The following FRMPD3 variants were observed in gnomAD, a reference collection of about 807,000 sequenced individuals.
FRMPD3 encodes the protein FERM and PDZ domain-containing protein 3.
In FRMPD3, 42 loss-of-function variants were observed where a neutral mutation model predicts 97.9. The observed-to-expected ratio is 0.43, with a 90% CI of 0.34 to 0.55. The LOEUF (loss-of-function observed/expected upper bound fraction) is 0.55. Among genes scored for constraint, FRMPD3 ranks in the 20% least tolerant of loss-of-function variants. The probability of loss-of-function intolerance (pLI) is 0.03; values close to 1 mark genes in which losing one functional copy is unlikely to be tolerated. For missense variants in FRMPD3, 1,303 were observed against 1,457.7 expected (o/e 0.89, Z 1.73); for synonymous variants, 577 against 581.1 (o/e 0.99, Z 0.10).
chrX:107,552,958 A>G, intron 7 of FRMPD3, 32 bp downstream of exon 7: 1 of 1,188,858 alleles, frequency 8.4e-7, no homozygotes, highest in Non-Finnish European at 1.1e-6. Context: ...ATAGCTTTGC[A>G]TGTGGCCTCT....
intron 1 of FRMPD3, among the ~76,000 whole-genome samples, chrX:107,511,842 G>A (rs1922173835): frequency 8.9e-6 from 1 of 111,809 alleles, no homozygotes; most frequent in Non-Finnish European, 1.9e-5. Flanking sequence ...CTGGGTGGCC[G>A]GGGACCCTCT....
chrX:107,452,529 T>C (rs934799810), intron 1 of FRMPD3, among the ~76,000 whole-genome samples: 3 of 112,010 alleles, frequency 2.7e-5, no homozygotes, highest in Non-Finnish European at 5.6e-5. Context: ...CTTCTGGCCC[T>C]GAGGGTTTCC....
intron 1 of FRMPD3, among the ~76,000 whole-genome samples, chrX:107,504,057 G>A (rs1479049245): frequency 8.9e-6 from 1 of 112,489 alleles, no homozygotes; most frequent in African/African-American, 3.2e-5. Context: ...GGCCGCAGTG[G>A]CACTTTATTA....
chrX:107,459,892 C>T (rs866326158), intron 1 of FRMPD3, among the ~76,000 whole-genome samples: 1 of 89,357 alleles, frequency 1.1e-5, no homozygotes, highest in African/African-American at 5.8e-5. Context: ...CATACACACA[C>T]ACACACACAC....
At chrX:107,452,517 G>C (rs1460723755) in intron 1 of FRMPD3, among the ~76,000 whole-genome samples, 1 of 112,184 alleles carries the variant, frequency 8.9e-6, no homozygotes, top group Non-Finnish European at 1.9e-5. Context: ...AGCTGCCCCA[G>C]GCTTCTGGCC....
chrX:107,545,521 A>T (rs189296160), intron 4 of FRMPD3: 15 of 363,312 alleles, frequency 4.1e-5, no homozygotes, highest in African/African-American at 3.9e-4. Flanking sequence ...AATCTACCCA[A>T]ATTCAATTCA....
At chrX:107,551,943 G>A (rs1921883520) in intron 6 of FRMPD3, among the ~76,000 whole-genome samples, 1 of 112,275 alleles carries the variant, frequency 8.9e-6, no homozygotes, top group Non-Finnish European at 1.9e-5. Flanking sequence ...AACTGCGGTT[G>A]TAAAGATGTT....
At chrX:107,572,674 G>A (rs756176548) in intron 12 of FRMPD3, among the ~76,000 whole-genome samples, 12 of 110,149 alleles carry the variant, frequency 1.1e-4, no homozygotes, top group Admixed American at 6.8e-4. Context: ...GGAGGCAGAG[G>A]CTGCAGTGAG....
intron 13 of FRMPD3, among the ~76,000 whole-genome samples, chrX:107,586,913 AAT>A (rs1923675057): frequency 8.9e-6 from 1 of 112,224 alleles, no homozygotes. Flanking sequence ...CACTGAGAAG[AAT>A]ATATATTCTG....
intron 11 of FRMPD3, among the ~76,000 whole-genome samples, chrX:107,564,576 G>A (rs1385555231): frequency 1.8e-5 from 2 of 112,124 alleles, no homozygotes; most frequent in African/African-American, 6.5e-5. Flanking sequence ...GTGCTCCAAA[G>A]GCCCCCAAAC....
chrX:107,463,577 C>T (rs374248268), intron 1 of FRMPD3, among the ~76,000 whole-genome samples: 15 of 112,329 alleles, frequency 1.3e-4, no homozygotes, highest in Non-Finnish European at 2.6e-4. Context: ...CAATTGTAAT[C>T]CCCCCACTAT....
At chrX:107,531,101 C>T (rs182417965) in intron 3 of FRMPD3, among the ~76,000 whole-genome samples, 13 of 102,297 alleles carry the variant, frequency 1.3e-4, no homozygotes, top group Non-Finnish European at 2.1e-4. Context: ...TCCTTTACCC[C>T]TGTGCACATT....
intron 7 of FRMPD3, among the ~76,000 whole-genome samples, chrX:107,553,175 C>T (rs1023077641): frequency 9.1e-6 from 1 of 109,501 alleles, no homozygotes; most frequent in African/African-American, 3.3e-5. Flanking sequence ...CCACATGGCA[C>T]CCAGAATGCT....
At chrX:107,544,213 T>C (rs1032087909) in intron 4 of FRMPD3, among the ~76,000 whole-genome samples, 3 of 111,300 alleles carry the variant, frequency 2.7e-5, no homozygotes, top group Non-Finnish European at 3.8e-5. Context: ...AAGTGGAGCA[T>C]AGAATGGTGA....
Position 107,473,191 on chromosome X carries a change from T to A in FRMPD3, c.-8+23186T>A, listed in dbSNP as rs188183198. Among the ~76,000 whole-genome samples the A allele has an allele frequency of 3.3e-3, 374 of 112,220 alleles. 4 individuals are homozygous for A. Among genetic ancestry groups the A allele is most frequent in the African/African-American group, 0.011 (353 of 30,914 alleles). ...ATGGCTAATAAGTGGCAGAGTTGGG[T>A]CCATAACTCAAATCTGTTATGGTCC... On this transcript the variant is annotated intron_variant, in intron 1 of 14. Transcript: ENST00000683843.
At chrX:107,493,933 CA>C (rs1921719649) in intron 1 of FRMPD3, among the ~76,000 whole-genome samples, 1 of 111,647 alleles carries the variant, frequency 9.0e-6, no homozygotes, top group African/African-American at 3.3e-5. Flanking sequence ...CTGCCATGCA[CA>C]AGCTCAAGAA....
chrX:107,477,735 G>A (rs1346454138), intron 1 of FRMPD3, among the ~76,000 whole-genome samples: 1 of 112,224 alleles, frequency 8.9e-6, no homozygotes, highest in Admixed American at 9.4e-5. Flanking sequence ...GCGATGGTAG[G>A]TGGGCCTGGG....
chrX:107,563,818 T>C (rs1363710039), intron 11 of FRMPD3, among the ~76,000 whole-genome samples: 1 of 112,225 alleles, frequency 8.9e-6, no homozygotes, highest in Non-Finnish European at 1.9e-5. Flanking sequence ...CTAGGTTTCC[T>C]GAGTCCTTCT....
Position 107,592,793 on chromosome X carries a change from CTTTTTTTTTT to C in FRMPD3, c.1442-4516_1442-4507del, listed in dbSNP as rs35096358. ...TTTTTATTTTTAAATTATGACCATT[CTTTTTTTTTT>C]TTTTTTTTTTTGACAGAGTCTTGTT... On this transcript the variant is annotated intron_variant, in intron 13 of 14. Coordinates refer to ENST00000683843, the MANE Select transcript of FRMPD3 (RefSeq NM_001388459.1). Among the ~76,000 whole-genome samples the C allele has an allele frequency of 1.7e-4, 12 of 71,335 alleles. 1 individual carries two copies. The highest frequency in any genetic ancestry group is 7.5e-4 in the African/African-American group (11 of 14,743). The allele number at this position is 71,335 out of a possible 115,157, so 61.9% of individuals were successfully genotyped here. A position where few individuals can be genotyped will look rare whatever the true frequency, so the allele number is the denominator to read the frequency against.
Sources: allele counts gnomAD v4.1 joint callset (sites outside exome capture counted in the v4.1 genomes callset), GRCh38; gene constraint gnomAD v4.1.1; transcripts MANE v1.5; gene names NCBI Gene and HGNC (gene_info 2026-07-23, HGNC 2026-07-21).